The following PGP variants were observed in gnomAD, a reference collection of about 807,000 sequenced individuals.
The protein encoded by PGP is aspartate-based ubiquitous Mg(2+)-dependent phosphatase.
PGP carries 9 observed loss-of-function variants against 19.3 expected under a neutral mutation model. The observed-to-expected ratio is 0.47, with a 90% confidence interval of 0.28 to 0.81. The LOEUF (loss-of-function observed/expected upper bound fraction) is 0.81, where lower values mean the gene tolerates loss of function less well. Ranked by LOEUF, PGP falls within the 40% of genes least tolerant of loss-of-function variation. PGP has a pLI of 0.11. For missense variants in PGP, 403 were observed against 479.9 expected, an observed-to-expected ratio of 0.84 and a Z score of 1.50; for synonymous variants, 308 against 226.8, an observed-to-expected ratio of 1.36 and a Z score of -3.22.
In PGP at chr16:2,214,480, C is replaced by T; in HGVS notation, c.298G>A (p.Gly100Ser). The T allele has an allele frequency of 1.2e-5, 16 of 1,388,778 alleles. No homozygotes were observed. Among genetic ancestry groups the T allele is most frequent in the Non-Finnish European group, 1.5e-5 (16 of 1,078,034 alleles). The allele number at this position is 1,388,778 out of a possible 1,614,324, so 86.0% of individuals were successfully genotyped here. The part of the protein sequence containing the change: ...AGPGASLEVF[G>S]TAYCTALYLR... ...TAGAGCGCGGTGCAGTAGGCCGTGC[C>T]GAAGACCTCCAGGCTGGCGCCGGGC... The change falls in exon 1 of 2, where the codon GGC becomes AGC. Residue 100 changes from glycine to serine, a missense_variant. Transcript: ENST00000333503. This position sits in a 1 kb window ranked among gnomAD's most constrained non-coding sequence, Gnocchi z 7.1.
chr16:2,212,470 A>G lies in PGP; in HGVS notation c.*1258T>C. On this transcript the variant is annotated 3_prime_UTR_variant, in exon 2 of 2. Coordinates refer to ENST00000333503, the MANE Select transcript of PGP (RefSeq NM_001042371.3). ...CTGTGAAAGGTCAGCAGAGCCAAGG[A>G]GCAGGCAGGAGAGGCTGGAGCCCCG... The G allele has an allele frequency of 1.0e-6, 1 of 985,620 alleles. No homozygotes were observed. The highest frequency in any genetic ancestry group is 1.2e-6 in the Non-Finnish European group (1 of 830,006). 61.1% of individuals were successfully genotyped at this position (985,620 alleles called of 1,614,324 possible). A position where few individuals can be genotyped will look rare whatever the true frequency, so the allele number is the denominator to read the frequency against.
chr16:2,213,673 G>T lies in PGP; in HGVS notation c.*55C>A. The T allele has an allele frequency of 6.9e-7, 1 of 1,458,026 alleles. No homozygotes were observed. Among genetic ancestry groups the T allele is most frequent in the Non-Finnish European group, 9.1e-7 (1 of 1,099,978 alleles). The allele number at this position is 1,458,026 out of a possible 1,614,324, so 90.3% of individuals were successfully genotyped here. ...GCTTAAGCCCCACCTATTAATTTGG[G>T]TAACTGGTTTTCAATTTCTTTTTTT... On this transcript the variant is annotated 3_prime_UTR_variant, in exon 2 of 2. Transcript: ENST00000333503.
Position 2,214,213 on chromosome 16 carries a change from G to C in PGP, c.565C>G (p.Gln189Glu). 6.3e-7 allele frequency: 1 copy of C among 1,595,558 alleles called. No homozygotes were observed. The highest frequency in any genetic ancestry group is 8.5e-7 in the Non-Finnish European group (1 of 1,178,934). ...CCCACGAGCAGGCAGCCGGGCTGCT[G>C]CAGGTAGCGCAGGGCCTTGGTGAGC... Reference protein sequence around the residue: ...MKLTKALRYLQQPGCLLVGTN... With the variant: ...MKLTKALRYLEQPGCLLVGTN... The change falls in exon 1 of 2, where the codon CAG becomes GAG. Residue 189 changes from glutamine to glutamate, a missense_variant. Transcript: ENST00000333503. This position sits in a 1 kb window ranked among gnomAD's most constrained non-coding sequence, Gnocchi z 7.1.
At position 2,213,570 on chromosome 16, in the gene PGP, C is replaced by T. The variant is rs143457118; in HGVS notation, c.*158G>A. The T allele has an allele frequency of 2.5e-5, 18 of 733,616 alleles. No homozygotes were observed. Among genetic ancestry groups the T allele is most frequent in the East Asian group, 3.2e-5 (1 of 30,984 alleles). The allele number at this position is 733,616 out of a possible 1,614,324, so 45.4% of individuals were successfully genotyped here. A position where few individuals can be genotyped will look rare whatever the true frequency, so the allele number is the denominator to read the frequency against. ...TCTGTAAACAAAATCGTCCCCCAAA[C>T]GTGTACTTACAAGGTTAACAATGAA... is the stretch of plus-strand genomic sequence containing the variant. On this transcript the variant is annotated 3_prime_UTR_variant, in exon 2 of 2. Coordinates refer to ENST00000333503, the MANE Select transcript of PGP (RefSeq NM_001042371.3).
chr16:2,211,737 T>G lies in PGP; in HGVS notation c.*1991A>C. The G allele has an allele frequency of 1.0e-6, 1 of 985,522 alleles. No homozygotes were observed. The highest frequency in any genetic ancestry group is 1.2e-6 in the Non-Finnish European group (1 of 829,990). The allele number at this position is 985,522 out of a possible 1,614,324, so 61.0% of individuals were successfully genotyped here. On this transcript the variant is annotated 3_prime_UTR_variant, in exon 2 of 2. Transcript: ENST00000333503. ...CCGGGCCAGCATTACTTCTGAGCTCTGCTCCCTGCCCTGGGCGCTCTGACA... is the reference window on the plus strand; with the variant it reads ...CCGGGCCAGCATTACTTCTGAGCTCGGCTCCCTGCCCTGGGCGCTCTGACA...
chr16:2,212,120 C>CT lies in PGP; in HGVS notation c.*1607dup, dbSNP rs1442431517. ...AAGAGAGGCATCACTGAGGCTGCAT[C>CT]TGCCATGCGCTCCTGGTGTGACTGC... On this transcript the variant is annotated 3_prime_UTR_variant, in exon 2 of 2. Transcript: ENST00000333503. The CT allele has an allele frequency of 1.0e-6, 1 of 985,496 alleles. No homozygotes were observed. The highest frequency in any genetic ancestry group is 1.2e-6 in the Non-Finnish European group (1 of 829,950). 61.0% of individuals were successfully genotyped at this position (985,496 alleles called of 1,614,324 possible).
chr16:2,214,655 G>C lies in PGP; in HGVS notation c.123C>G (p.Arg41=), dbSNP rs1046985940. ...GCGCGCCAGGCACGGCGGTCTCCCC[G>C]CGCCACAGCACGCCGTCGCAGTCGA... ...LLFDCDGVLW[R]GETAVPGAPE... The change falls in exon 1 of 2, where the codon CGC becomes CGG. Residue 41 remains arginine, a synonymous_variant. Coordinates refer to ENST00000333503, the MANE Select transcript of PGP (RefSeq NM_001042371.3). This position sits in a 1 kb window ranked among gnomAD's most constrained non-coding sequence, Gnocchi z 7.1. The C allele has an allele frequency of 6.9e-7, 1 of 1,444,856 alleles. No individual in the cohort carries two copies. The highest frequency in any genetic ancestry group is 1.5e-5 in the African/African-American group (1 of 67,434). The allele number at this position is 1,444,856 out of a possible 1,614,324, so 89.5% of individuals were successfully genotyped here. A position where few individuals can be genotyped will look rare whatever the true frequency, so the allele number is the denominator to read the frequency against.
At position 2,214,800 on chromosome 16, in the gene PGP, C is replaced by T; in HGVS notation, c.-23G>A. On this transcript the variant is annotated 5_prime_UTR_variant, in exon 1 of 2. Coordinates refer to ENST00000333503, the MANE Select transcript of PGP (RefSeq NM_001042371.3). The surrounding 1 kb of genome is among the most constrained non-coding windows in gnomAD (Gnocchi z 7.1). ...CATCGCCGCCCGCCGGCCGCCGCCG[C>T]CCGCCGGCCGCTCCTCGCAGCCGCC... is the stretch of plus-strand genomic sequence containing the variant. The T allele has an allele frequency of 3.4e-6, 3 of 869,590 alleles. No homozygotes were observed. The highest frequency in any genetic ancestry group is 4.1e-6 in the Non-Finnish European group (3 of 726,022). 53.9% of individuals were successfully genotyped at this position (869,590 alleles called of 1,614,324 possible).
chr16:2,214,389 G>T lies in PGP; in HGVS notation c.389C>A (p.Ala130Asp). The T allele has an allele frequency of 6.9e-7, 1 of 1,442,760 alleles. No homozygotes were observed. Among genetic ancestry groups the T allele is most frequent in the Non-Finnish European group, 9.0e-7 (1 of 1,109,844 alleles). 89.4% of individuals were successfully genotyped at this position (1,442,760 alleles called of 1,614,324 possible). A position where few individuals can be genotyped will look rare whatever the true frequency, so the allele number is the denominator to read the frequency against. The change falls in exon 1 of 2, where the codon GCC becomes GAC. Residue 130 changes from alanine (A) to aspartate (D), a missense_variant. Transcript: ENST00000333503. The surrounding 1 kb of genome is among the most constrained non-coding windows in gnomAD (Gnocchi z 7.1). ...GACGCCCACGGCCTCCAGCTCCGCG[G>T]CCAGGGCTGGGCTGCCCAGCACGTA... ...KAYVLGSPAL[A>D]AELEAVGVAS...
Position 2,212,312 on chromosome 16 carries a change from T to C in PGP, c.*1416A>G. On this transcript the variant is annotated 3_prime_UTR_variant, in exon 2 of 2. Transcript: ENST00000333503. ...CAGGACGCCTCTTATTGCTCTGAAG[T>C]CTTTGTGACCAAGTGGAGTGCTGTG... 1.0e-6 allele frequency: 1 copy of C among 986,042 alleles called. No individual in the cohort carries two copies. Among genetic ancestry groups the C allele is most frequent in the Non-Finnish European group, 1.2e-6 (1 of 830,164 alleles). The allele number at this position is 986,042 out of a possible 1,614,324, so 61.1% of individuals were successfully genotyped here. A position where few individuals can be genotyped will look rare whatever the true frequency, so the allele number is the denominator to read the frequency against.
At position 2,213,344 on chromosome 16, in the gene PGP, C is replaced by T; in HGVS notation, c.*384G>A. On this transcript the variant is annotated 3_prime_UTR_variant, in exon 2 of 2. Transcript: ENST00000333503. ...AGTCAGAATAATCAGTCCCTCTGCC[C>T]CCTGAGGGGCTGGATCCCTGAATGA... 1 of 993,316 alleles carries T rather than the reference C, an allele frequency of 1.0e-6. No homozygotes were observed. The highest frequency in any genetic ancestry group is 1.1e-4 in the East Asian group (1 of 9,212). 61.5% of individuals were successfully genotyped at this position (993,316 alleles called of 1,614,324 possible).
At position 2,214,343 on chromosome 16, in the gene PGP, G is replaced by A; in HGVS notation, c.435C>T (p.Pro145=). ...AVGVASVGVG[P]EPLQGEGPGD... Reference sequence around the variant, plus strand: ...CGGGACCCTCGCCCTGCAGTGGCTCGGGCCCCACGCCCACGCTGGCGACGC... The same window carrying A: ...CGGGACCCTCGCCCTGCAGTGGCTCAGGCCCCACGCCCACGCTGGCGACGC... Residue 145 remains proline (P), a synonymous_variant, in exon 1 of 2, where the codon CCC becomes CCT. Transcript: ENST00000333503. This position sits in a 1 kb window ranked among gnomAD's most constrained non-coding sequence, Gnocchi z 7.1. The A allele has an allele frequency of 7.2e-6, 11 of 1,524,044 alleles. No individual in the cohort carries two copies. The highest frequency in any genetic ancestry group is 9.6e-6 in the Non-Finnish European group (11 of 1,142,276). The allele number at this position is 1,524,044 out of a possible 1,614,324, so 94.4% of individuals were successfully genotyped here.
rs535743749 is a variant in PGP at position 2,212,219 on chromosome 16, G to T, written c.*1509C>A. On this transcript the variant is annotated 3_prime_UTR_variant, in exon 2 of 2. Transcript: ENST00000333503. ...CAGTGTCACCAGCCTCATGGGTGGA[G>T]CCACCCTCATGCTGCTCTGCAGCAC... The T allele has an allele frequency of 2.0e-6, 2 of 985,874 alleles. No individual in the cohort carries two copies. The highest frequency in any genetic ancestry group is 9.4e-5 in the South Asian group (2 of 21,296). 61.1% of individuals were successfully genotyped at this position (985,874 alleles called of 1,614,324 possible).
In PGP at chr16:2,211,757, C is replaced by G. The variant is rs116885757; in HGVS notation, c.*1971G>C. 8,751 of 985,526 alleles carry G rather than the reference C, an allele frequency of 8.9e-3. 50 individuals are homozygous for G. Among genetic ancestry groups the G allele is most frequent in the Middle Eastern group, 0.021 (41 of 1,914 alleles). The allele number at this position is 985,526 out of a possible 1,614,324, so 61.0% of individuals were successfully genotyped here. ...AGCTCTGCTCCCTGCCCTGGGCGCT[C>G]TGACACGGCAGCCCACCAGCTTCAC... On this transcript the variant is annotated 3_prime_UTR_variant, in exon 2 of 2. Transcript: ENST00000333503.
rs541687286 is a variant in PGP, at chr16:2,212,489, A to C, written c.*1239T>G. ...CCAAGGAGCAGGCAGGAGAGGCTGGAGCCCCGCCCAGAACCTTGGCGAGCT... is the reference window on the plus strand; with the variant it reads ...CCAAGGAGCAGGCAGGAGAGGCTGGCGCCCCGCCCAGAACCTTGGCGAGCT... On this transcript the variant is annotated 3_prime_UTR_variant, in exon 2 of 2. Transcript: ENST00000333503. 3.0e-6 allele frequency: 3 copies of C among 985,550 alleles called. No homozygotes were observed. In the South Asian group the frequency reaches 1.4e-4, roughly 46 times the overall value. The allele number at this position is 985,550 out of a possible 1,614,324, so 61.1% of individuals were successfully genotyped here.
Position 2,212,202 on chromosome 16 carries a change from C to G in PGP, c.*1526G>C. The G allele has an allele frequency of 1.0e-6, 1 of 985,820 alleles. No individual in the cohort carries two copies. Among genetic ancestry groups the G allele is most frequent in the Non-Finnish European group, 1.2e-6 (1 of 830,016 alleles). The allele number at this position is 985,820 out of a possible 1,614,324, so 61.1% of individuals were successfully genotyped here. A position where few individuals can be genotyped will look rare whatever the true frequency, so the allele number is the denominator to read the frequency against. On this transcript the variant is annotated 3_prime_UTR_variant, in exon 2 of 2. Coordinates refer to ENST00000333503, the MANE Select transcript of PGP (RefSeq NM_001042371.3). ...CTTAGCCAAGCCAGCGTCAGTGTCA[C>G]CAGCCTCATGGGTGGAGCCACCCTC...
Position 2,212,671 on chromosome 16 carries a change from C to T in PGP, c.*1057G>A, listed in dbSNP as rs1388256693. ...GTAAAGGACTTCCTGTTCTTGGGGA[C>T]ATAACTCTCGTCCCCTCCCAGAGCC... On this transcript the variant is annotated 3_prime_UTR_variant, in exon 2 of 2. Coordinates refer to ENST00000333503, the MANE Select transcript of PGP (RefSeq NM_001042371.3). 2 of 985,392 alleles carry T rather than the reference C, an allele frequency of 2.0e-6. No individual in the cohort carries two copies. The highest frequency in any genetic ancestry group is 1.7e-5 in the African/African-American group (1 of 57,250). 61.0% of individuals were successfully genotyped at this position (985,392 alleles called of 1,614,324 possible). A position where few individuals can be genotyped will look rare whatever the true frequency, so the allele number is the denominator to read the frequency against.
At position 2,212,826 on chromosome 16, in the gene PGP, G is replaced by A. The variant is rs2093378804; in HGVS notation, c.*902C>T. 5 of 985,510 alleles carry A rather than the reference G, an allele frequency of 5.1e-6. No individual in the cohort carries two copies. Among genetic ancestry groups the A allele is most frequent in the Non-Finnish European group, 6.0e-6 (5 of 829,946 alleles). 61.0% of individuals were successfully genotyped at this position (985,510 alleles called of 1,614,324 possible). ...CGCGCTGCCGGCTGCAGGGCACAGA[G>A]GCTCCTTCAGTGGAATTTTGCCTAC... is the stretch of plus-strand genomic sequence containing the variant. On this transcript the variant is annotated 3_prime_UTR_variant, in exon 2 of 2. Coordinates refer to ENST00000333503, the MANE Select transcript of PGP (RefSeq NM_001042371.3).
Position 2,212,816 on chromosome 16 carries a change from A to G in PGP, c.*912T>C. ...ATGCTTCAGCCGCGCTGCCGGCTGC[A>G]GGGCACAGAGGCTCCTTCAGTGGAA... On this transcript the variant is annotated 3_prime_UTR_variant, in exon 2 of 2. Coordinates refer to ENST00000333503, the MANE Select transcript of PGP (RefSeq NM_001042371.3). The G allele has an allele frequency of 1.0e-6, 1 of 985,522 alleles. No homozygotes were observed. Among genetic ancestry groups the G allele is most frequent in the African/African-American group, 1.7e-5 (1 of 57,384 alleles). 61.0% of individuals were successfully genotyped at this position (985,522 alleles called of 1,614,324 possible). A position where few individuals can be genotyped will look rare whatever the true frequency, so the allele number is the denominator to read the frequency against.
Sources: allele counts gnomAD v4.1 joint callset, GRCh38; gene constraint gnomAD v4.1.1; non-coding constraint Gnocchi (gnomAD v3.1); transcripts MANE v1.5; gene names NCBI Gene and HGNC (gene_info 2026-07-23, HGNC 2026-07-21).